PTPRK: variants seen among roughly 807,000 people sequenced by gnomAD.
The protein encoded by PTPRK is protein tyrosine phosphatase receptor type K, also known as receptor-type tyrosine-protein phosphatase kappa.
PTPRK carries 75 observed loss-of-function variants against 178.0 expected under a neutral mutation model. That is an observed-to-expected ratio of 0.42 (90% CI 0.35 to 0.51). The LOEUF (loss-of-function observed/expected upper bound fraction) is 0.51. Ranked by LOEUF, PTPRK falls within the 20% of genes least tolerant of loss-of-function variation. The pLI is 0.02. For missense variants in PTPRK, 1,441 were observed against 1,797.8 expected (o/e 0.80, Z 3.59); for synonymous variants, 637 against 620.6 (o/e 1.03, Z -0.39).
At chr6:128,120,916 T>C (rs1006790983) in intron 7 of PTPRK, among the ~76,000 whole-genome samples, 1 of 152,010 alleles carries the variant, frequency 6.6e-6, no homozygotes, top group South Asian at 2.1e-4. Flanking sequence ...TGTTTCCCCA[T>C]AACAACCCAC....
chr6:128,171,314 T>C (rs1181376436), intron 7 of PTPRK, among the ~76,000 whole-genome samples: 2 of 151,934 alleles, frequency 1.3e-5, no homozygotes, highest in African/African-American at 4.8e-5. Context: ...CGCACTTTCA[T>C]ATTAGTACAA....
intron 2 of PTPRK, among the ~76,000 whole-genome samples, chr6:128,353,208 AAC>A (rs1833434072): frequency 6.6e-6 from 1 of 152,258 alleles, no homozygotes; most frequent in South Asian, 2.1e-4. Context: ...GCTAAAATAA[AAC>A]ACAGTGCTAG....
chr6:128,380,653 T>G (rs549515046), intron 2 of PTPRK, among the ~76,000 whole-genome samples: 4 of 152,052 alleles, frequency 2.6e-5, no homozygotes, highest in African/African-American at 9.6e-5. Context: ...GGAATCTGCA[T>G]TTGACATACA....
chr6:128,407,946 C>G (rs1437576355), intron 1 of PTPRK, among the ~76,000 whole-genome samples: 1 of 152,164 alleles, frequency 6.6e-6, no homozygotes, highest in African/African-American at 2.4e-5. Context: ...AGTCTGGTAT[C>G]TTCTCTGTAG....
intron 7 of PTPRK, among the ~76,000 whole-genome samples, chr6:128,093,549 C>T (rs767347996): frequency 1.0e-4 from 14 of 133,658 alleles, no homozygotes; most frequent in Admixed American, 9.2e-4. Flanking sequence ...GAGCCGAGAT[C>T]GCACCACTGC....
chr6:127,973,906 A>ATG, intron 27 of PTPRK, 79 bp from the exon 28 acceptor site: 4 of 1,378,306 alleles, frequency 2.9e-6, no homozygotes, highest in South Asian at 2.7e-5. Flanking sequence ...TATAATTTAC[A>ATG]ATACAAATGG....
intron 2 of PTPRK, among the ~76,000 whole-genome samples, chr6:128,385,725 C>T (rs1838610933): frequency 6.6e-6 from 1 of 152,142 alleles, no homozygotes; most frequent in South Asian, 2.1e-4. Context: ...CTGCTATTAA[C>T]TATAGGCTCC....
intron 6 of PTPRK, among the ~76,000 whole-genome samples, chr6:128,214,595 C>T (rs781011605): frequency 2.7e-5 from 4 of 145,714 alleles, no homozygotes; most frequent in Non-Finnish European, 5.9e-5. Flanking sequence ...TAGGTACTGC[C>T]CTCTTTATCC....
intron 13 of PTPRK, among the ~76,000 whole-genome samples, chr6:128,035,290 T>G (rs1776025033): frequency 6.6e-6 from 1 of 152,078 alleles, no homozygotes; most frequent in South Asian, 2.1e-4. Context: ...CGCTTGAAAC[T>G]GGGAGGCAGA....
At chr6:127,978,451 G>A (rs918647944) in intron 25 of PTPRK, among the ~76,000 whole-genome samples, 4 of 152,086 alleles carry the variant, frequency 2.6e-5, no homozygotes, top group African/African-American at 9.7e-5. Flanking sequence ...AGAAGGACGG[G>A]TTTGCTTCCC....
rs371732845 is a variant in PTPRK, at chr6:128,397,796, T to C, written c.101-108A>G. On this transcript the variant is annotated intron_variant, in intron 1 of 29. Coordinates refer to ENST00000368226, the MANE Select transcript of PTPRK (RefSeq NM_002844.4). ...GATATATATAATGTTACTCACAATC[T>C]TAATAATAAATGGTACTCCTGTTTA... The C allele has an allele frequency of 3.4e-5, 37 of 1,082,928 alleles. No homozygotes were observed. The South Asian group carries it at 5.8e-4, about 17-fold the overall frequency. The allele number at this position is 1,082,928 out of a possible 1,614,324, so 67.1% of individuals were successfully genotyped here.
intron 3 of PTPRK, among the ~76,000 whole-genome samples, chr6:128,268,067 G>A (rs1260764461): frequency 6.6e-6 from 1 of 151,940 alleles, no homozygotes; most frequent in African/African-American, 2.4e-5. Flanking sequence ...TCTTCTCCCA[G>A]ACTAACAGAA....
chr6:128,042,545 C>A (rs1777367769), intron 13 of PTPRK, among the ~76,000 whole-genome samples: 1 of 152,012 alleles, frequency 6.6e-6, no homozygotes, highest in South Asian at 2.1e-4. Flanking sequence ...GTCATCACAT[C>A]CCTTCTCTGC....
intron 2 of PTPRK, among the ~76,000 whole-genome samples, chr6:128,359,069 A>T (rs1834349375): frequency 6.6e-6 from 1 of 152,230 alleles, no homozygotes. Context: ...TTTCACTAAG[A>T]TACAGACTCC....
chr6:128,394,986 T>C (rs1840095118), intron 2 of PTPRK, among the ~76,000 whole-genome samples: 1 of 152,140 alleles, frequency 6.6e-6, no homozygotes, highest in African/African-American at 2.4e-5. Context: ...CCCAAACATT[T>C]GGGGTTTTTT....
At chr6:128,155,060 T>C (rs1177229207) in intron 7 of PTPRK, among the ~76,000 whole-genome samples, 2 of 151,780 alleles carry the variant, frequency 1.3e-5, no homozygotes, top group African/African-American at 4.8e-5. Flanking sequence ...ATATTAGTAC[T>C]AGAGTATTAG....
chr6:128,463,948 G>T (rs1462295500), intron 1 of PTPRK, among the ~76,000 whole-genome samples: 3 of 151,270 alleles, frequency 2.0e-5, no homozygotes, highest in Non-Finnish European at 2.9e-5. Context: ...TAGAGATGGG[G>T]TTTCACCATG....
chr6:128,348,002 C>A (rs1350231604), intron 2 of PTPRK, among the ~76,000 whole-genome samples: 2 of 151,736 alleles, frequency 1.3e-5, no homozygotes, highest in Non-Finnish European at 2.9e-5. Context: ...TGTCAGTTAC[C>A]CCAAGGATAT....
chr6:128,475,051 G>A (rs1047420321), intron 1 of PTPRK, among the ~76,000 whole-genome samples: 1 of 152,106 alleles, frequency 6.6e-6, no homozygotes, highest in Non-Finnish European at 1.5e-5. Context: ...CCCTGCCTTT[G>A]TGGGAAGCTA....
Sources: allele counts gnomAD v4.1 joint callset (sites outside exome capture counted in the v4.1 genomes callset), GRCh38; gene constraint gnomAD v4.1.1; transcripts MANE v1.5; gene names NCBI Gene and HGNC (gene_info 2026-07-23, HGNC 2026-07-21).